RBFOX1: variants seen among roughly 807,000 people sequenced by gnomAD.
The protein encoded by RBFOX1 is RNA binding protein fox-1 homolog 1.
Under a neutral mutation model 57.7 loss-of-function variants are expected in RBFOX1, and 8 were observed. The observed-to-expected ratio is 0.14, with a 90% CI of 0.08 to 0.25. The LOEUF is 0.25. Ranked by LOEUF, RBFOX1 falls within the 10% of genes least tolerant of loss-of-function variation. RBFOX1 has a pLI of 1.00. For synonymous variants in RBFOX1, 326 were observed against 222.4 expected (o/e 1.47, Z -4.15); for missense variants, 611 against 548.5 (o/e 1.11, Z -1.14).
chr16:6,719,763 A>C (rs146820385), intron 3 of RBFOX1, among the ~76,000 whole-genome samples: 215 of 152,072 alleles, frequency 1.4e-3, no homozygotes, highest in African/African-American at 4.9e-3. Context: ...TGGTTTTTTA[A>C]AGTGCCAAAT....
chr16:6,529,322 G>C (rs566523375), intron 2 of RBFOX1, among the ~76,000 whole-genome samples: 1 of 152,210 alleles, frequency 6.6e-6, no homozygotes, highest in South Asian at 2.1e-4. Context: ...CAGCAGTTTG[G>C]GAGGTGGAGG....
At chr16:6,900,509 G>C (rs1035790855) in intron 3 of RBFOX1, among the ~76,000 whole-genome samples, 4 of 152,164 alleles carry the variant, frequency 2.6e-5, no homozygotes, top group African/African-American at 9.7e-5. Flanking sequence ...GGCCTTGGAT[G>C]GTCTGGCCCT....
chr16:5,278,605 G>A (rs2063197698), intron 1 of RBFOX1, among the ~76,000 whole-genome samples: 1 of 152,172 alleles, frequency 6.6e-6, no homozygotes, highest in Non-Finnish European at 1.5e-5. Flanking sequence ...AAGGTATTTA[G>A]TTTAATATAA....
At chr16:7,304,805 C>T (rs528506485) in intron 4 of RBFOX1, among the ~76,000 whole-genome samples, 3 of 152,196 alleles carry the variant, frequency 2.0e-5, no homozygotes, top group South Asian at 2.1e-4. Flanking sequence ...GAGTCTAAGA[C>T]CCCTTTGATG....
chr16:7,582,448 C>T (rs1171503907), intron 6 of RBFOX1, among the ~76,000 whole-genome samples: 1 of 152,154 alleles, frequency 6.6e-6, no homozygotes, highest in African/African-American at 2.4e-5. Flanking sequence ...TAGTTTACAA[C>T]CACTATTCTA....
Position 6,904,599 on chromosome 16 carries a change from T to TG in RBFOX1, c.-15-147458_-15-147457insG, listed in dbSNP as rs1366471899. Among the ~76,000 whole-genome samples the TG allele has an allele frequency of 3.6e-3, 231 of 64,034 alleles. 4 individuals carry two copies. Among genetic ancestry groups the TG allele is most frequent in the East Asian group, 0.013 (27 of 2,094 alleles). The allele number at this position is 64,034 out of a possible 152,430, so 42.0% of individuals were successfully genotyped here. A position where few individuals can be genotyped will look rare whatever the true frequency, so the allele number is the denominator to read the frequency against. ...CTGGGTGACAGAGTGAGACTCTCTC[T>TG]AAAAAAAAAAAAAAAAAAAAAAAAA... is the stretch of plus-strand genomic sequence containing the variant. On this transcript the variant is annotated intron_variant, in intron 3 of 15. Coordinates refer to ENST00000550418, the MANE Select transcript of RBFOX1 (RefSeq NM_018723.4).
At chr16:6,794,850 C>G (rs894434923) in intron 3 of RBFOX1, among the ~76,000 whole-genome samples, 12 of 152,078 alleles carry the variant, frequency 7.9e-5, no homozygotes, top group Non-Finnish European at 4.4e-5. Context: ...AGGTAATTGT[C>G]AAGGGCTTTT....
At chr16:5,248,195 C>T (rs1045268485) in intron 1 of RBFOX1, among the ~76,000 whole-genome samples, 1 of 152,246 alleles carries the variant, frequency 6.6e-6, no homozygotes, top group Non-Finnish European at 1.5e-5. Flanking sequence ...TTTCTGCGAG[C>T]ACAACAACTG....
intron 1 of RBFOX1, among the ~76,000 whole-genome samples, chr16:6,080,708 A>G (rs1034558884): frequency 3.3e-5 from 5 of 152,334 alleles, no homozygotes; most frequent in Middle Eastern, 3.4e-3. Context: ...TTTATTAAAT[A>G]TGAAAAGCAA....
At chr16:6,941,300 CTCCTTCCT>C (rs57110590) in intron 3 of RBFOX1, among the ~76,000 whole-genome samples, 25,655 of 78,532 alleles carry the variant, frequency 0.33, 4,709 homozygotes, top group Non-Finnish European at 0.39. Flanking sequence ...CCCTCCCTCC[CTCCTTCCT>C]TCCTTCCTTC....
intron 3 of RBFOX1, among the ~76,000 whole-genome samples, chr16:5,797,971 C>G (rs181263250): frequency 8.5e-5 from 13 of 152,302 alleles, no homozygotes; most frequent in Non-Finnish European, 1.6e-4. Context: ...ATCATTTATT[C>G]TTTCAAACAG....
At chr16:6,558,037 T>G (rs958215147) in intron 2 of RBFOX1, among the ~76,000 whole-genome samples, 7 of 152,178 alleles carry the variant, frequency 4.6e-5, no homozygotes, top group Non-Finnish European at 8.8e-5. Flanking sequence ...GAGATCTATT[T>G]TTCATAAATT....
intron 1 of RBFOX1, among the ~76,000 whole-genome samples, chr16:6,105,731 A>G (rs969799523): frequency 2.0e-5 from 3 of 151,868 alleles, no homozygotes; most frequent in South Asian, 2.1e-4. Context: ...TCCTGTGTCT[A>G]GAATAGTTAA....
chr16:6,448,309 G>A (rs1475025803), intron 2 of RBFOX1, among the ~76,000 whole-genome samples: 1 of 151,568 alleles, frequency 6.6e-6, no homozygotes, highest in Non-Finnish European at 1.5e-5. Flanking sequence ...ACAGGTGTGT[G>A]CCACCACACC....
chr16:7,058,979 A>G (rs1598377016), intron 4 of RBFOX1, among the ~76,000 whole-genome samples: 1 of 152,230 alleles, frequency 6.6e-6, no homozygotes, highest in Non-Finnish European at 1.5e-5. Flanking sequence ...GCCTTGTGAA[A>G]GAGGTTGTAG....
chr16:5,619,965 T>C (rs2048154846), intron 3 of RBFOX1, among the ~76,000 whole-genome samples: 1 of 147,674 alleles, frequency 6.8e-6, no homozygotes, highest in African/African-American at 2.5e-5. Context: ...TCTGTGCAGA[T>C]AGTAAATTCC....
intron 3 of RBFOX1, among the ~76,000 whole-genome samples, chr16:7,014,400 T>A (rs1033005896): frequency 5.9e-5 from 9 of 151,742 alleles, no homozygotes; most frequent in Non-Finnish European, 8.8e-5. Context: ...TATTTTTTTG[T>A]TTTTATTTTA....
chr16:5,711,104 A>G (rs2051471952), intron 3 of RBFOX1, among the ~76,000 whole-genome samples: 1 of 152,244 alleles, frequency 6.6e-6, no homozygotes, highest in Admixed American at 6.5e-5. Flanking sequence ...TAATGATTGC[A>G]TAATTGCAGA....
intron 4 of RBFOX1, among the ~76,000 whole-genome samples, chr16:7,515,089 C>A (rs940340002): frequency 6.6e-6 from 1 of 152,054 alleles, no homozygotes; most frequent in Admixed American, 6.5e-5. Flanking sequence ...GCAGAAGCTG[C>A]CTCTGGCACA....
Sources: gnomAD v4.1 joint callset for allele counts (sites outside exome capture counted in the v4.1 genomes callset) on GRCh38, gnomAD v4.1.1 for gene constraint, MANE v1.5 for transcripts, NCBI Gene and HGNC (gene_info 2026-07-23, HGNC 2026-07-21) for gene names.